NRXN1: variants seen among roughly 807,000 people sequenced by gnomAD.
NRXN1 encodes neurexin 1.
Under a neutral mutation model 150.9 loss-of-function variants are expected in NRXN1, and 39 were observed. The ratio of observed to expected loss-of-function variants is 0.26; its 90% CI spans 0.20 to 0.34. The LOEUF is 0.34. Among genes scored for constraint, NRXN1 ranks in the 10% least tolerant of loss-of-function variants. The pLI is 1.00. For synonymous variants in NRXN1, 924 were observed against 757.0 expected (o/e 1.22, Z -3.62); for missense variants, 1,815 against 1,949.9 (o/e 0.93, Z 1.30).
chr2:50,896,891 G>C (rs1313449940), intron 5 of NRXN1, among the ~76,000 whole-genome samples: 3 of 151,930 alleles, frequency 2.0e-5, no homozygotes, highest in Non-Finnish European at 2.9e-5. Flanking sequence ...GGTCCAATTT[G>C]AGCAATGATT....
intron 5 of NRXN1, among the ~76,000 whole-genome samples, chr2:50,846,199 T>C (rs1297030207): frequency 2.0e-5 from 3 of 152,154 alleles, no homozygotes; most frequent in Non-Finnish European, 4.4e-5. Context: ...AACCACCAGG[T>C]TGTTCATTTT....
intron 5 of NRXN1, among the ~76,000 whole-genome samples, chr2:50,826,827 A>T (rs558334836): frequency 6.6e-6 from 1 of 152,334 alleles, no homozygotes; most frequent in South Asian, 2.1e-4. Flanking sequence ...TACATAAATT[A>T]GGAGCTCATT....
intron 18 of NRXN1, among the ~76,000 whole-genome samples, chr2:50,219,942 A>C (rs2063700216): frequency 8.5e-5 from 5 of 58,998 alleles, no homozygotes; most frequent in Middle Eastern, 7.1e-3. Flanking sequence ...TATATTATAT[A>C]TTATATATAT....
chr2:50,042,042 T>G (rs1212159794), intron 21 of NRXN1, among the ~76,000 whole-genome samples: 2 of 152,232 alleles, frequency 1.3e-5, no homozygotes. Context: ...GCATATCGCA[T>G]CCACCCCTTT....
chr2:50,282,415 A>C (rs2071579386), intron 17 of NRXN1, among the ~76,000 whole-genome samples: 1 of 152,174 alleles, frequency 6.6e-6, no homozygotes, highest in South Asian at 2.1e-4. Flanking sequence ...AGGTCCACTT[A>C]AATACAAATC....
chr2:50,643,661 T>G (rs2104498611), intron 5 of NRXN1, among the ~76,000 whole-genome samples: 1 of 152,074 alleles, frequency 6.6e-6, no homozygotes, highest in East Asian at 1.9e-4. Context: ...TATTGTATCC[T>G]TTATGTAATT....
At chr2:50,721,362 G>A (rs1383718827) in intron 5 of NRXN1, among the ~76,000 whole-genome samples, 1 of 152,134 alleles carries the variant, frequency 6.6e-6, no homozygotes, top group Non-Finnish European at 1.5e-5. Context: ...GAAAGCATTA[G>A]AGCTAAGAAC....
chr2:50,560,794 G>A (rs1037011165), intron 8 of NRXN1, among the ~76,000 whole-genome samples: 3 of 152,120 alleles, frequency 2.0e-5, no homozygotes, highest in Non-Finnish European at 4.4e-5. Flanking sequence ...TGGGAAGGCA[G>A]CAAGTTGATC....
intron 5 of NRXN1, among the ~76,000 whole-genome samples, chr2:50,869,905 A>G (rs1020988131): frequency 1.3e-5 from 2 of 151,898 alleles, no homozygotes; most frequent in East Asian, 3.9e-4. Flanking sequence ...TTTATTGAAT[A>G]AACAGTTGCT....
intron 5 of NRXN1, among the ~76,000 whole-genome samples, chr2:50,758,847 G>A (rs1237727722): frequency 6.6e-6 from 1 of 151,904 alleles, no homozygotes; most frequent in African/African-American, 2.4e-5. Flanking sequence ...AGGATGACCA[G>A]GTAATGAGTG....
chr2:50,768,948 ACT>A lies in NRXN1; in HGVS notation c.833-145335_833-145334del, dbSNP rs545679450. 5.0e-3 allele frequency among the ~76,000 whole-genome samples: 751 copies of A among 151,506 alleles called. 8 individuals are homozygous for A. Among genetic ancestry groups the A allele is most frequent in the African/African-American group, 0.017 (710 of 41,342 alleles). ...CACACACACACACATACACACACAC[ACT>A]CTGAACTTGAAAACGAAAACTTCTT... On this transcript the variant is annotated intron_variant, in intron 5 of 22. Transcript: ENST00000401669.
intron 8 of NRXN1, among the ~76,000 whole-genome samples, chr2:50,592,315 C>T (rs1674407096): frequency 6.6e-6 from 1 of 152,190 alleles, no homozygotes; most frequent in East Asian, 1.9e-4. Context: ...GCAAATGACA[C>T]CAGAGTGATC....
At chr2:50,150,347 C>T (rs1206564618) in intron 18 of NRXN1, among the ~76,000 whole-genome samples, 1 of 151,778 alleles carries the variant, frequency 6.6e-6, no homozygotes, top group African/African-American at 2.4e-5. Flanking sequence ...ATAAAGACAG[C>T]ACAGTCCACA....
chr2:50,421,056 T>C (rs1275598810), intron 17 of NRXN1, among the ~76,000 whole-genome samples: 1 of 151,254 alleles, frequency 6.6e-6, no homozygotes, highest in Non-Finnish European at 1.5e-5. Flanking sequence ...ACCATATTCT[T>C]ATTCATATAT....
At chr2:49,955,413 G>A (rs762297811) in intron 21 of NRXN1, among the ~76,000 whole-genome samples, 2 of 152,004 alleles carry the variant, frequency 1.3e-5, no homozygotes, top group Non-Finnish European at 2.9e-5. Context: ...ATGTATGGTA[G>A]AGAAATAGCA....
Position 50,149,951 on chromosome 2 carries a change from T to C in NRXN1, c.3547-58457A>G, listed in dbSNP as rs143564125. 5.3e-3 allele frequency among the ~76,000 whole-genome samples: 812 copies of C among 151,888 alleles called. 9 individuals are homozygous for C. The highest frequency in any genetic ancestry group is 0.019 in the African/African-American group (771 of 41,488). On this transcript the variant is annotated intron_variant, in intron 18 of 22. Transcript: ENST00000401669. ...AGCCATATGCATATCAGCTGAACTA[T>C]TGATGCCAAATGAAAGTGGGATTAT...
chr2:50,047,592 T>C (rs1573597513), intron 21 of NRXN1, among the ~76,000 whole-genome samples: 1 of 152,212 alleles, frequency 6.6e-6, no homozygotes, highest in East Asian at 1.9e-4. Context: ...AAGATTAATA[T>C]ACCAAAGTTT....
rs2078022605 is a variant in NRXN1 at position 50,346,844 on chromosome 2, T to G, written c.3365-109874A>C. On this transcript the variant is annotated intron_variant, in intron 17 of 22. Coordinates refer to ENST00000401669, the MANE Select transcript of NRXN1 (RefSeq NM_001330078.2). This position sits in a 1 kb window ranked among gnomAD's most constrained non-coding sequence, Gnocchi z 5.0. ...AGGCCGCTGAGGGTGAGCGGGACTA[T>G]CCAAAGCAGGGCCAGGCGCCCCCCT... 1 of 1,601,416 alleles carries G rather than the reference T, an allele frequency of 6.2e-7. No individual in the cohort carries two copies. The highest frequency in any genetic ancestry group is 8.5e-7 in the Non-Finnish European group (1 of 1,174,402).
chr2:50,827,789 T>C (rs1322860173), intron 5 of NRXN1, among the ~76,000 whole-genome samples: 8 of 150,612 alleles, frequency 5.3e-5, no homozygotes, highest in African/African-American at 1.7e-4. Flanking sequence ...TACTTGAGAT[T>C]AGGGAGTGGT....
Sources: allele counts gnomAD v4.1 joint callset (sites outside exome capture counted in the v4.1 genomes callset), GRCh38; gene constraint gnomAD v4.1.1; non-coding constraint Gnocchi (gnomAD v3.1); transcripts MANE v1.5; gene names NCBI Gene and HGNC (gene_info 2026-07-23, HGNC 2026-07-21).